ZC3H3: variants seen among roughly 807,000 people sequenced by gnomAD.
The protein encoded by ZC3H3 is zinc finger CCCH-type containing 3, also known as zinc finger CCCH domain-containing protein 3.
ZC3H3 carries 36 observed loss-of-function variants against 77.3 expected under a neutral mutation model. The ratio of observed to expected loss-of-function variants is 0.47; its 90% confidence interval spans 0.36 to 0.61. The LOEUF (loss-of-function observed/expected upper bound fraction) is 0.61, where lower values mean the gene tolerates loss of function less well. Among genes scored for constraint, ZC3H3 ranks in the 20% least tolerant of loss-of-function variants. The pLI is 0.00. For synonymous variants in ZC3H3, 626 were observed against 555.2 expected (o/e 1.13, Z -1.79); for missense variants, 1,331 against 1,312.2 (o/e 1.01, Z -0.22).
At chr8:143,490,032 G>T (rs952402108) in intron 4 of ZC3H3, among the ~76,000 whole-genome samples, 14 of 152,282 alleles carry the variant, frequency 9.2e-5, no homozygotes, top group African/African-American at 3.4e-4. Flanking sequence ...GGGTTCCAGG[G>T]AAACACCCTT....
chr8:143,470,960 A>G (rs1171949225), intron 5 of ZC3H3, among the ~76,000 whole-genome samples: 1 of 152,010 alleles, frequency 6.6e-6, no homozygotes, highest in East Asian at 1.9e-4. Context: ...GGCTCCCACC[A>G]GCCCCACCCC....
intron 4 of ZC3H3, among the ~76,000 whole-genome samples, chr8:143,504,233 TGG>T (rs1362119808): frequency 6.6e-6 from 1 of 152,082 alleles, no homozygotes; most frequent in African/African-American, 2.4e-5. Flanking sequence ...AGAGGGGTCC[TGG>T]GGGCTCATGG....
chr8:143,517,667 AC>A (rs1822103515), intron 3 of ZC3H3, among the ~76,000 whole-genome samples: 1 of 152,104 alleles, frequency 6.6e-6, no homozygotes, highest in South Asian at 2.1e-4. Flanking sequence ...TGTGTTCAGA[AC>A]CCCAGGCCTG....
chr8:143,473,250 G>A (rs774745465), intron 5 of ZC3H3, among the ~76,000 whole-genome samples: 18 of 151,800 alleles, frequency 1.2e-4, no homozygotes, highest in African/African-American at 2.7e-4. Context: ...GATGCCTCAC[G>A]CCCCCTCCCA....
chr8:143,528,474 C>T (rs34437358), intron 3 of ZC3H3, among the ~76,000 whole-genome samples: 4 of 152,228 alleles, frequency 2.6e-5, no homozygotes, highest in South Asian at 2.1e-4. Context: ...CCGGGGAGAT[C>T]GCCAGGCTCA....
chr8:143,505,887 C>T (rs76973345), intron 4 of ZC3H3, among the ~76,000 whole-genome samples: 2,656 of 152,318 alleles, frequency 0.017, 84 homozygotes, highest in African/African-American at 0.06. Flanking sequence ...GCCTGTGGTG[C>T]AGCCCCTACA....
chr8:143,475,384 C>A lies in ZC3H3; in HGVS notation c.1903+14G>T. On this transcript the variant is annotated intron_variant, in intron 5 of 11. Coordinates refer to ENST00000262577, the MANE Select transcript of ZC3H3 (RefSeq NM_015117.3). ...TCGGTGTCATCTCCCAGCGCCCCCG[C>A]CCTCACCTCTCACCTGTGCGCAGGA... The A allele has an allele frequency of 6.2e-7, 1 of 1,608,266 alleles. No individual in the cohort carries two copies. The highest frequency in any genetic ancestry group is 1.1e-5 in the South Asian group (1 of 90,606).
intron 3 of ZC3H3, among the ~76,000 whole-genome samples, chr8:143,510,845 G>A (rs541266932): frequency 1.1e-4 from 16 of 152,216 alleles, no homozygotes; most frequent in African/African-American, 3.6e-4. Flanking sequence ...TTCTCCACGT[G>A]ATGCATTCCC....
intron 3 of ZC3H3, among the ~76,000 whole-genome samples, chr8:143,535,266 T>C (rs1472214269): frequency 2.6e-5 from 4 of 152,158 alleles, no homozygotes; most frequent in Non-Finnish European, 5.9e-5. Context: ...CTTGAACTCC[T>C]GGCCTCAAGT....
At chr8:143,495,870 G>A (rs1442387573) in intron 4 of ZC3H3, among the ~76,000 whole-genome samples, 1 of 151,364 alleles carries the variant, frequency 6.6e-6, no homozygotes, top group Non-Finnish European at 1.5e-5. Context: ...CCAACGTGCT[G>A]TGATTACAGG....
At chr8:143,522,585 A>C (rs1296829739) in intron 3 of ZC3H3, among the ~76,000 whole-genome samples, 2 of 151,346 alleles carry the variant, frequency 1.3e-5, no homozygotes, top group Non-Finnish European at 2.9e-5. Context: ...AGCCTAGGGA[A>C]GAGAGCAAGA....
At position 143,441,093 on chromosome 8, in the gene ZC3H3, G is replaced by A. The variant is rs1473788217; in HGVS notation, c.2335C>T (p.Pro779Ser). The stretch of plus-strand genomic sequence containing the variant: ...CACGCCCCCCTGCGGGCAAAGTCGG[G>A]GCACAGCAGCGTGTGTTTCTTCTTG... ...KCKKKHTLLC[P>S]DFARRGACPR... is the part of the protein sequence containing the mutation. The change falls in exon 10 of 12, where the codon CCC becomes TCC. Residue 779 changes from proline (P) to serine (S), a missense_variant. Around this residue, in one of 3 missense-constraint regions of ZC3H3, gnomAD observed 104 missense variants for 159.7 expected, o/e 0.65. Coordinates refer to ENST00000262577, the MANE Select transcript of ZC3H3 (RefSeq NM_015117.3). The A allele has an allele frequency of 1.4e-5, 20 of 1,457,770 alleles. No homozygotes were observed. The highest frequency in any genetic ancestry group is 1.6e-5 in the Non-Finnish European group (18 of 1,116,116). 90.3% of individuals were successfully genotyped at this position (1,457,770 alleles called of 1,614,324 possible).
At chr8:143,474,493 G>A (rs1484667481) in intron 5 of ZC3H3, among the ~76,000 whole-genome samples, 1 of 152,240 alleles carries the variant, frequency 6.6e-6, no homozygotes, top group Non-Finnish European at 1.5e-5. Flanking sequence ...CAGCCCAGAA[G>A]CCCCTGGAGC....
intron 1 of ZC3H3, among the ~76,000 whole-genome samples, chr8:143,539,965 CCAGGAACA>C (rs971299022): frequency 5.9e-5 from 9 of 152,232 alleles, no homozygotes; most frequent in African/African-American, 1.7e-4. Context: ...TGCAGGAGGG[CCAGGAACA>C]CAGGCAAGGG....
At chr8:143,525,994 A>G (rs1822399061) in intron 3 of ZC3H3, among the ~76,000 whole-genome samples, 2 of 152,226 alleles carry the variant, frequency 1.3e-5, no homozygotes, top group Non-Finnish European at 2.9e-5. Context: ...CCCAGAGCCC[A>G]GGGTGCTGGC....
rs1353212455 is a variant in ZC3H3 at position 143,507,787 on chromosome 8, CA to C, written c.1673del (p.Leu558ArgfsTer19). 6.2e-6 allele frequency: 10 copies of C among 1,601,664 alleles called. No homozygotes were observed. The highest frequency in any genetic ancestry group is 8.5e-6 in the Non-Finnish European group (10 of 1,176,164). ...ASPLSAPPFPLSLPSWRARRL... is the reference protein window; with the variant it reads ...ASPLSAPPFPXSLPSWRARRL... ...GCCGGGCCCGCCAGGAGGGCAGAGA[CA>C]GGGGGAAGGGCGGGGCGCTGAGAGG... is the stretch of plus-strand genomic sequence containing the variant. On this transcript the variant is annotated frameshift_variant, in exon 4 of 12. Transcript: ENST00000262577. LOFTEE classifies it high-confidence loss of function.
chr8:143,476,178 G>A (rs1820728916), intron 4 of ZC3H3, among the ~76,000 whole-genome samples: 1 of 152,174 alleles, frequency 6.6e-6, no homozygotes, highest in Non-Finnish European at 1.5e-5. Flanking sequence ...GGGTCAGCAG[G>A]CTACCCTGCC....
At chr8:143,511,484 C>A (rs1821868648) in intron 3 of ZC3H3, among the ~76,000 whole-genome samples, 1 of 152,244 alleles carries the variant, frequency 6.6e-6, no homozygotes, top group Non-Finnish European at 1.5e-5. Flanking sequence ...AGAATTACTA[C>A]TCTGTGCAAA....
intron 9 of ZC3H3, among the ~76,000 whole-genome samples, chr8:143,445,863 G>C (rs1819852547): frequency 6.6e-6 from 1 of 151,982 alleles, no homozygotes. Flanking sequence ...TTTTTAACCT[G>C]ACAAGAAAAA....
Sources: gnomAD v4.1 joint callset for allele counts (sites outside exome capture counted in the v4.1 genomes callset) on GRCh38, gnomAD v4.1.1 for gene constraint, gnomAD v4.1.1 regional missense constraint, MANE v1.5 for transcripts, NCBI Gene and HGNC (gene_info 2026-07-23, HGNC 2026-07-21) for gene names.